Variants in C3orf49 observed in about 807,000 individuals in gnomAD.
C3orf49 encodes putative uncharacterized protein C3orf49.
In C3orf49, 27 loss-of-function variants were observed where a neutral mutation model predicts 13.3. The ratio of observed to expected loss-of-function variants is 2.02; its 90% confidence interval spans 1.49 to 2.79. The LOEUF is 2.79. C3orf49 is among the 30% of genes most tolerant of loss of function. The pLI, the probability that C3orf49 is intolerant of heterozygous loss-of-function variation, is 0.00. For synonymous variants in C3orf49, 87 were observed against 47.6 expected (o/e 1.83, Z -3.40); for missense variants, 242 against 134.2 (o/e 1.80, Z -3.97).
At chr3:63,803,360 G>T in the C3orf49 span, among the ~76,000 whole-genome samples, 5 of 152,158 alleles carry the variant, frequency 3.3e-5, no homozygotes, top group Admixed American at 3.3e-4. Flanking sequence ...GCAGATGTGG[G>T]TCTTGAAATG....
At chr3:63,843,627 G>C (rs1490759479) in intron 5 of C3orf49, among the ~76,000 whole-genome samples, 1 of 152,118 alleles carries the variant, frequency 6.6e-6, no homozygotes, top group Non-Finnish European at 1.5e-5. Context: ...TGGGCTGGGC[G>C]TGGTGGCTCA....
the C3orf49 span, among the ~76,000 whole-genome samples, chr3:63,811,668 G>C: frequency 6.6e-6 from 1 of 151,694 alleles, no homozygotes; most frequent in Admixed American, 6.6e-5. Context: ...GATCACCTGC[G>C]CCTCAGTTCA....
chr3:63,804,472 C>G, the C3orf49 span, among the ~76,000 whole-genome samples: 2 of 152,096 alleles, frequency 1.3e-5, no homozygotes, highest in Non-Finnish European at 2.9e-5. Flanking sequence ...TACCATGCTC[C>G]TTCTTGCTAC....
At position 63,835,194 on chromosome 3, in the gene C3orf49, A is replaced by G. The variant is rs747215872; in HGVS notation, c.849+3350A>G. 9.9e-6 allele frequency: 16 copies of G among 1,613,748 alleles called. 1 individual carries two copies. In the South Asian group the frequency reaches 1.8e-4, roughly 18 times the overall value. ...GAAGTTCATGGATGGTACTAAGAAG[A>G]ACATGAAACTGTTTCCGTCTCAATT... On this transcript the variant is annotated intron_variant, in intron 5 of 6. Coordinates refer to ENST00000295896, the MANE Select transcript of C3orf49 (RefSeq NM_001355236.2).
At chr3:63,834,132 C>G (rs80072081) in intron 5 of C3orf49, 1 of 1,613,974 alleles carries the variant, frequency 6.2e-7, no homozygotes, top group African/African-American at 1.3e-5. Context: ...ATTAGCCTGT[C>G]TATGGCTTAG....
the C3orf49 span, among the ~76,000 whole-genome samples, chr3:63,792,210 C>A: frequency 6.6e-6 from 1 of 152,196 alleles, no homozygotes; most frequent in Non-Finnish European, 1.5e-5. Context: ...AGTTGTGCAA[C>A]TATGAAGTAA....
At chr3:63,798,565 T>A in the C3orf49 span, among the ~76,000 whole-genome samples, 1 of 151,578 alleles carries the variant, frequency 6.6e-6, no homozygotes, top group African/African-American at 2.4e-5. Context: ...TATTTTACTA[T>A]CATCATCATC....
At chr3:63,826,655 T>C (rs149731114) in intron 2 of C3orf49, among the ~76,000 whole-genome samples, 27 of 152,278 alleles carry the variant, frequency 1.8e-4, no homozygotes, top group Non-Finnish European at 1.2e-4. Flanking sequence ...GAGAAGTCCT[T>C]ATCAATGGAC....
intron 3 of C3orf49, 115 bp downstream of exon 3, chr3:63,827,840 C>T (rs2107103322): frequency 1.7e-6 from 1 of 574,640 alleles, no homozygotes. Context: ...CCCTTTAAAT[C>T]TGCTGCTTCT....
At chr3:63,785,090 T>TTTTTTTTTTTTTTTTTA in the C3orf49 span, among the ~76,000 whole-genome samples, 1 of 142,640 alleles carries the variant, frequency 7.0e-6, no homozygotes, top group African/African-American at 2.7e-5. Context: ...TTTTTTTTTT[T>TTTTTTTTTTTTTTTTTA]GAGACAGTGT....
At chr3:63,809,664 C>A in the C3orf49 span, among the ~76,000 whole-genome samples, 1 of 152,186 alleles carries the variant, frequency 6.6e-6, no homozygotes, top group Non-Finnish European at 1.5e-5. Context: ...CTCTCCCTCC[C>A]TCTGTTCCAG....
chr3:63,795,214 G>A, the C3orf49 span, among the ~76,000 whole-genome samples: 2 of 152,106 alleles, frequency 1.3e-5, no homozygotes, highest in African/African-American at 4.8e-5. Flanking sequence ...CTGGTTGGCT[G>A]CTTTCTGCAA....
intron 6 of C3orf49, among the ~76,000 whole-genome samples, chr3:63,845,354 C>T (rs1432052947): frequency 6.6e-6 from 1 of 152,142 alleles, no homozygotes; most frequent in Non-Finnish European, 1.5e-5. Context: ...TTTCGGCTCC[C>T]ACTCTGGTGA....
the C3orf49 span, among the ~76,000 whole-genome samples, chr3:63,790,965 G>C: frequency 6.6e-6 from 1 of 152,190 alleles, no homozygotes; most frequent in African/African-American, 2.4e-5. Context: ...AGGAGTACAC[G>C]TTATGCCTCA....
At chr3:63,835,433 G>C in intron 5 of C3orf49, 1 of 1,579,082 alleles carries the variant, frequency 6.3e-7, no homozygotes, top group Non-Finnish European at 8.7e-7. Flanking sequence ...GAATGGGGGA[G>C]AAGAGTTTAC....
chr3:63,787,965 T>C, the C3orf49 span, among the ~76,000 whole-genome samples: 4 of 152,202 alleles, frequency 2.6e-5, no homozygotes, highest in Non-Finnish European at 4.4e-5. Flanking sequence ...CTATTTGCTT[T>C]TAGAGAAGCT....
the C3orf49 span, among the ~76,000 whole-genome samples, chr3:63,788,399 T>C: frequency 7.7e-4 from 118 of 152,344 alleles, no homozygotes; most frequent in African/African-American, 2.7e-3. Flanking sequence ...TGTCTTTCTA[T>C]TTTTAAACTT....
At chr3:63,828,769 G>A (rs953864787) in intron 3 of C3orf49, among the ~76,000 whole-genome samples, 20 of 152,056 alleles carry the variant, frequency 1.3e-4, no homozygotes, top group African/African-American at 4.8e-4. Context: ...TATAACGTAG[G>A]TAGCAATATT....
At chr3:63,839,948 T>C (rs1459135903) in intron 5 of C3orf49, among the ~76,000 whole-genome samples, 1 of 152,214 alleles carries the variant, frequency 6.6e-6, no homozygotes, top group South Asian at 2.1e-4. Context: ...TTTTATGTTA[T>C]GCATAGTTTA....
Sources: gnomAD v4.1 joint callset for allele counts (sites outside exome capture counted in the v4.1 genomes callset) on GRCh38, gnomAD v4.1.1 for gene constraint, MANE v1.5 for transcripts, NCBI Gene and HGNC (gene_info 2026-07-23, HGNC 2026-07-21) for gene names.